THRAP3: variants seen among roughly 807,000 people sequenced by gnomAD.
The protein encoded by THRAP3 is thyroid hormone receptor associated protein 3.
In THRAP3, 16 loss-of-function variants were observed where a neutral mutation model predicts 101.0. That is an observed-to-expected ratio of 0.16 (90% CI 0.11 to 0.24). The LOEUF (loss-of-function observed/expected upper bound fraction) is 0.24. Ranked by LOEUF, THRAP3 falls within the 10% of genes least tolerant of loss-of-function variation. THRAP3 has a pLI of 1.00. For missense variants in THRAP3, 989 were observed against 1,202.7 expected, an observed-to-expected ratio of 0.82 and a Z score of 2.63; for synonymous variants, 407 against 422.6, an observed-to-expected ratio of 0.96 and a Z score of 0.45.
chr1:36,282,206 G>A (rs1055212364), intron 2 of THRAP3, among the ~76,000 whole-genome samples: 7 of 151,304 alleles, frequency 4.6e-5, no homozygotes, highest in African/African-American at 1.2e-4. Flanking sequence ...GATTACAGGC[G>A]TGAGCCACCG....
At chr1:36,212,282 A>G in the THRAP3 span, among the ~76,000 whole-genome samples, 2 of 152,068 alleles carry the variant, frequency 1.3e-5, no homozygotes, top group Admixed American at 6.6e-5. Flanking sequence ...TGCTCATTCC[A>G]TCTGCTATCC....
rs772032928 is a variant in THRAP3 at position 36,292,491 on chromosome 1, C to T, written c.1919-107C>T. The T allele has an allele frequency of 8.1e-5, 59 of 726,518 alleles. 1 individual carries two copies. The highest frequency in any genetic ancestry group is 2.2e-4 in the Admixed American group (9 of 41,184). The allele number at this position is 726,518 out of a possible 1,614,324, so 45.0% of individuals were successfully genotyped here. A position where few individuals can be genotyped will look rare whatever the true frequency, so the allele number is the denominator to read the frequency against. On this transcript the variant is annotated intron_variant, in intron 6 of 11. Coordinates refer to ENST00000354618, the MANE Select transcript of THRAP3 (RefSeq NM_005119.4). ...TTCACCGTGTTAGCCAGGATGGTCTCGATCTCTTGACCTCGTGATCTGCCC... is the reference window on the plus strand; with the variant it reads ...TTCACCGTGTTAGCCAGGATGGTCTTGATCTCTTGACCTCGTGATCTGCCC...
At chr1:36,210,552 G>A in the THRAP3 span, among the ~76,000 whole-genome samples, 1 of 143,632 alleles carries the variant, frequency 7.0e-6, no homozygotes, top group Non-Finnish European at 1.5e-5. Context: ...TTAGCTGGAT[G>A]TGGTGTCGTG....
chr1:36,250,581 G>C (rs1309470278), intron 1 of THRAP3, among the ~76,000 whole-genome samples: 1 of 151,794 alleles, frequency 6.6e-6, no homozygotes, highest in African/African-American at 2.4e-5. Context: ...ATTTAGGAAT[G>C]TTTTCTAAGA....
chr1:36,233,491 G>A (rs1390363141), intron 1 of THRAP3, among the ~76,000 whole-genome samples: 1 of 151,234 alleles, frequency 6.6e-6, no homozygotes, highest in Non-Finnish European at 1.5e-5. Context: ...TCCAGCCTGG[G>A]TGACAGAGTG....
At chr1:36,296,939 A>T (rs1645959912) in intron 9 of THRAP3, among the ~76,000 whole-genome samples, 169 bp downstream of exon 9, 1 of 152,194 alleles carries the variant, frequency 6.6e-6, no homozygotes, top group Non-Finnish European at 1.5e-5. Flanking sequence ...TTTGAAAACA[A>T]TTTCTACATC....
chr1:36,246,181 G>A (rs908540779), intron 1 of THRAP3, among the ~76,000 whole-genome samples: 1 of 152,142 alleles, frequency 6.6e-6, no homozygotes, highest in African/African-American at 2.4e-5. Context: ...CAAGGCACCT[G>A]GGGCTGGCAG....
upstream of THRAP3, among the ~76,000 whole-genome samples, chr1:36,222,415 C>CT (rs564364713): frequency 8.3e-3 from 1,248 of 150,682 alleles, 11 homozygotes; most frequent in Admixed American, 0.027. Flanking sequence ...TTTTTCTTTT[C>CT]TTTTTTTTTG....
At chr1:36,225,347 A>G (rs976472254) in intron 1 of THRAP3, 1 of 152,198 alleles carries the variant, frequency 6.6e-6, no homozygotes, top group African/African-American at 2.4e-5. Context: ...TTGGGAGCAT[A>G]ACAGAAGTAT....
chr1:36,218,230 G>A, the THRAP3 span, among the ~76,000 whole-genome samples: 3 of 151,660 alleles, frequency 2.0e-5, no homozygotes, highest in Admixed American at 6.6e-5. Flanking sequence ...TTAGCCAGGC[G>A]TGGTGGCAGG....
intron 1 of THRAP3, among the ~76,000 whole-genome samples, chr1:36,256,476 C>T (rs1258636770): frequency 2.6e-5 from 4 of 151,994 alleles, no homozygotes; most frequent in Admixed American, 2.0e-4. Context: ...CCGCCCGCCT[C>T]GGCCTCCCAA....
chr1:36,277,106 T>G (rs1339762956), intron 2 of THRAP3, among the ~76,000 whole-genome samples: 1 of 151,646 alleles, frequency 6.6e-6, no homozygotes, highest in Non-Finnish European at 1.5e-5. Context: ...GTAGCTGGGA[T>G]TACAGGCGCC....
chr1:36,234,199 G>T (rs1230171783), intron 1 of THRAP3, among the ~76,000 whole-genome samples: 1 of 152,130 alleles, frequency 6.6e-6, no homozygotes, highest in Non-Finnish European at 1.5e-5. Flanking sequence ...GCTTCCCAAA[G>T]TCCTGAGATT....
At chr1:36,212,418 C>CTTTTTTTTTTTTTTTTTTTTT in the THRAP3 span, among the ~76,000 whole-genome samples, 34 of 122,040 alleles carry the variant, frequency 2.8e-4, no homozygotes, top group East Asian at 4.5e-4. Flanking sequence ...TTCTTTCTTT[C>CTTTTTTTTTTTTTTTTTTTTT]TTTTTTTTTT....
At chr1:36,221,562 AG>A (rs1644903010), upstream of THRAP3, among the ~76,000 whole-genome samples, 1 of 152,190 alleles carries the variant, frequency 6.6e-6, no homozygotes, top group Non-Finnish European at 1.5e-5. Flanking sequence ...ACCAGCAAAA[AG>A]TGACCACTTG....
chr1:36,226,832 T>G (rs1372828735), intron 1 of THRAP3, among the ~76,000 whole-genome samples: 1 of 152,178 alleles, frequency 6.6e-6, no homozygotes, highest in African/African-American at 2.4e-5. Flanking sequence ...GTGAATATAT[T>G]AGGGTGTGAT....
intron 1 of THRAP3, among the ~76,000 whole-genome samples, chr1:36,235,513 A>G (rs1645074491): frequency 6.6e-6 from 1 of 152,200 alleles, no homozygotes; most frequent in Non-Finnish European, 1.5e-5. Context: ...AAATTAGATT[A>G]TTAATACTGA....
In THRAP3 at chr1:36,291,437, G is replaced by C. The variant is rs775150308; in HGVS notation, c.1809G>C (p.Lys603Asn). ...LCRDLVHSNK[K>N]EQEFRSIFQH... Reference sequence around the variant, plus strand: ...GAGATCTAGTCCATAGCAACAAAAAGGAACAGGAGTTTCGTTCCATTTTCC... The same window carrying C: ...GAGATCTAGTCCATAGCAACAAAAACGAACAGGAGTTTCGTTCCATTTTCC... The change falls in exon 6 of 12, where the codon AAG (lysine) becomes AAC (asparagine). Residue 603 changes from lysine (K) to asparagine (N), a missense_variant. Lys to Asn is a moderately conservative substitution (Grantham distance 94). Transcript: ENST00000354618. 1.1e-5 allele frequency: 17 copies of C among 1,614,174 alleles called. No individual in the cohort carries two copies. Among genetic ancestry groups the C allele is most frequent in the Non-Finnish European group, 1.4e-5 (16 of 1,180,024 alleles).
upstream of THRAP3, among the ~76,000 whole-genome samples, chr1:36,220,972 A>AAAATAT (rs1285765741): frequency 3.2e-4 from 30 of 94,138 alleles, no homozygotes; most frequent in African/African-American, 5.2e-4. Flanking sequence ...AAAAAAAAAA[A>AAAATAT]ATATATATAT....
Sources: gnomAD v4.1 joint callset for allele counts (sites outside exome capture counted in the v4.1 genomes callset) on GRCh38, gnomAD v4.1.1 for gene constraint, MANE v1.5 for transcripts, NCBI Gene and HGNC (gene_info 2026-07-23, HGNC 2026-07-21) for gene names.